The following SH3PXD2A variants were observed in gnomAD, a reference collection of about 807,000 sequenced individuals.
SH3PXD2A encodes SH3 and PX domain-containing protein 2A.
SH3PXD2A carries 32 observed loss-of-function variants against 115.2 expected under a neutral mutation model. The ratio of observed to expected loss-of-function variants is 0.28; its 90% CI spans 0.21 to 0.37. The LOEUF (loss-of-function observed/expected upper bound fraction) is 0.37. Among genes scored for constraint, SH3PXD2A ranks in the 10% least tolerant of loss-of-function variants. The pLI is 1.00. For synonymous variants in SH3PXD2A, 610 were observed against 629.1 expected, an observed-to-expected ratio of 0.97 and a Z score of 0.45; for missense variants, 1,328 against 1,498.7, an observed-to-expected ratio of 0.89 and a Z score of 1.88.
At position 103,622,464 on chromosome 10, in the gene SH3PXD2A, A is replaced by T; in HGVS notation, c.802+6T>A. 1 of 1,543,636 alleles carries T rather than the reference A, an allele frequency of 6.5e-7. No homozygotes were observed. Among genetic ancestry groups the T allele is most frequent in the South Asian group, 1.2e-5 (1 of 83,900 alleles). On this transcript the variant is annotated splice_donor_region_variant and intron_variant, in intron 10 of 14. Transcript: ENST00000369774. ...CGAGGGAGGAGAAGCCAGCTCCCGC[A>T]GTCACCTCGGCTGTGCTGCCTGTTG...
intron 4 of SH3PXD2A, among the ~76,000 whole-genome samples, chr10:103,734,318 A>G (rs2038355832): frequency 6.6e-6 from 1 of 152,212 alleles, no homozygotes; most frequent in Non-Finnish European, 1.5e-5. Context: ...TTCTAGCTCT[A>G]TTAAAGCCAA....
At chr10:103,655,619 A>G (rs1168969762) in intron 8 of SH3PXD2A, among the ~76,000 whole-genome samples, 2 of 151,970 alleles carry the variant, frequency 1.3e-5, no homozygotes, top group Non-Finnish European at 2.9e-5. Context: ...CTGAAAACAC[A>G]AAGATCAGGC....
intron 6 of SH3PXD2A, chr10:103,673,571 A>G (rs1255667545): frequency 6.6e-6 from 1 of 152,212 alleles, no homozygotes; most frequent in Non-Finnish European, 1.5e-5. Context: ...CTCAAAATAA[A>G]TAAGTATAAA....
Position 103,855,316 on chromosome 10 carries a change from C to T in SH3PXD2A, c.-50G>A, listed in dbSNP as rs10883928. 0.36 allele frequency: 510,081 copies of T among 1,422,572 alleles called. 97,325 individuals are homozygous for T. Among genetic ancestry groups the T allele is most frequent in the East Asian group, 0.65 (22,688 of 34,932 alleles). The allele number at this position is 1,422,572 out of a possible 1,614,324, so 88.1% of individuals were successfully genotyped here. On this transcript the variant is annotated 5_prime_UTR_variant, in exon 1 of 15. Transcript: ENST00000369774. Reference sequence around the variant, plus strand: ...CCCCGGCGGCGTCACCTTCTCATCCCGGCCGGGCTCCGGCTCCTTCTCCAG... The same window carrying T: ...CCCCGGCGGCGTCACCTTCTCATCCTGGCCGGGCTCCGGCTCCTTCTCCAG...
At chr10:103,840,492 C>T (rs1002045193) in intron 1 of SH3PXD2A, among the ~76,000 whole-genome samples, 5 of 152,210 alleles carry the variant, frequency 3.3e-5, no homozygotes, top group Non-Finnish European at 5.9e-5. Flanking sequence ...CTTTTGTTCC[C>T]TCACCCTGAC....
At chr10:103,766,954 C>G in intron 3 of SH3PXD2A, 140 bp downstream of exon 3, 1 of 637,006 alleles carries the variant, frequency 1.6e-6, no homozygotes, top group Non-Finnish European at 2.8e-6. Context: ...GCTTCCAAAT[C>G]CCCTGGGGGA....
chr10:103,732,835 G>A (rs1050729312), intron 4 of SH3PXD2A, among the ~76,000 whole-genome samples: 19 of 152,328 alleles, frequency 1.2e-4, no homozygotes, highest in Non-Finnish European at 1.2e-4. Context: ...AGAGACAGGG[G>A]AAGGTCTGGC....
intron 3 of SH3PXD2A, among the ~76,000 whole-genome samples, chr10:103,751,039 C>T (rs781222981): frequency 3.0e-4 from 46 of 152,136 alleles, no homozygotes; most frequent in Non-Finnish European, 5.4e-4. Flanking sequence ...CCAGGCATTT[C>T]CCCCAGACCA....
intron 2 of SH3PXD2A, among the ~76,000 whole-genome samples, chr10:103,779,107 C>T (rs757513757): frequency 4.6e-5 from 7 of 152,188 alleles, no homozygotes; most frequent in South Asian, 2.1e-4. Flanking sequence ...CTTGCTCCGT[C>T]GCCCAGGCTG....
chr10:103,687,192 G>A (rs1160689678), intron 6 of SH3PXD2A, among the ~76,000 whole-genome samples: 3 of 152,114 alleles, frequency 2.0e-5, no homozygotes, highest in Non-Finnish European at 4.4e-5. Flanking sequence ...TTTCATCTGC[G>A]GACAGCAGCT....
intron 5 of SH3PXD2A, among the ~76,000 whole-genome samples, chr10:103,713,025 G>A (rs1377870241): frequency 2.0e-5 from 3 of 152,216 alleles, no homozygotes; most frequent in African/African-American, 7.2e-5. Context: ...ATGCTCAAGG[G>A]TCCAGCACGG....
At chr10:103,834,990 A>T (rs1413996557) in intron 1 of SH3PXD2A, among the ~76,000 whole-genome samples, 1 of 152,204 alleles carries the variant, frequency 6.6e-6, no homozygotes, top group Non-Finnish European at 1.5e-5. Flanking sequence ...ATTTTTCAAC[A>T]TTTGTGCTGC....
intron 1 of SH3PXD2A, among the ~76,000 whole-genome samples, chr10:103,835,709 C>G (rs761866230): frequency 6.6e-6 from 1 of 152,200 alleles, no homozygotes; most frequent in African/African-American, 2.4e-5. Flanking sequence ...TTTCCAGTCT[C>G]CCGTGCAGCT....
At chr10:103,846,229 T>C (rs4918059) in intron 1 of SH3PXD2A, among the ~76,000 whole-genome samples, 132,308 of 152,252 alleles carry the variant, frequency 0.87, 58,675 homozygotes, top group East Asian at 0.99. Flanking sequence ...CCCAGTGGAG[T>C]GGCAGAAACC....
rs934989147 is a variant in SH3PXD2A at position 103,666,727 on chromosome 10, G to A, written c.472+1881C>T. Among the ~76,000 whole-genome samples the A allele has an allele frequency of 5.9e-5, 9 of 152,192 alleles. No individual in the cohort carries two copies. The highest frequency in any genetic ancestry group is 2.1e-4 in the South Asian group (1 of 4,822). On this transcript the variant is annotated intron_variant, in intron 7 of 14. Transcript: ENST00000369774. This position sits in a 1 kb window ranked among gnomAD's most constrained non-coding sequence, Gnocchi z 4.5. The stretch of plus-strand genomic sequence containing the variant: ...ACCTCATGGGAATTGTTCTGAGCAC[G>A]GAATGAAGTGACGGGGCTTCAAGTC...
At chr10:103,749,371 T>C (rs551336759) in intron 3 of SH3PXD2A, among the ~76,000 whole-genome samples, 2 of 152,332 alleles carry the variant, frequency 1.3e-5, no homozygotes, top group African/African-American at 4.8e-5. Flanking sequence ...GCCCACCTTC[T>C]CTTAGCAACT....
intron 1 of SH3PXD2A, among the ~76,000 whole-genome samples, chr10:103,825,591 A>G (rs1397725551): frequency 1.3e-5 from 2 of 152,138 alleles, no homozygotes; most frequent in Non-Finnish European, 2.9e-5. Context: ...ACAGGATGCC[A>G]TCAAAATATC....
intron 2 of SH3PXD2A, among the ~76,000 whole-genome samples, chr10:103,769,200 A>C (rs1259492975): frequency 6.7e-6 from 1 of 148,434 alleles, no homozygotes; most frequent in East Asian, 2.0e-4. Flanking sequence ...GCGCGCATTT[A>C]TTTCCATCCA....
intron 3 of SH3PXD2A, among the ~76,000 whole-genome samples, chr10:103,762,889 C>A (rs2038715625): frequency 1.3e-5 from 2 of 151,296 alleles, no homozygotes; most frequent in Admixed American, 6.6e-5. Context: ...TACTCACAGA[C>A]CCCCAATCCT....
Sources: gnomAD v4.1 joint callset for allele counts (sites outside exome capture counted in the v4.1 genomes callset) on GRCh38, gnomAD v4.1.1 for gene constraint, Gnocchi (gnomAD v3.1) non-coding constraint, MANE v1.5 for transcripts, NCBI Gene and HGNC (gene_info 2026-07-23, HGNC 2026-07-21) for gene names.